Variants in SLC45A4 observed in about 807,000 individuals in gnomAD.
SLC45A4 encodes polyamine-transporter SLC45A4.
SLC45A4 carries 32 observed loss-of-function variants against 63.7 expected under a neutral mutation model. That is an observed-to-expected ratio of 0.50 (90% CI 0.38 to 0.67). SLC45A4 has a LOEUF of 0.67. Among genes scored for constraint, SLC45A4 ranks in the 30% least tolerant of loss-of-function variants. The probability of loss-of-function intolerance (pLI) is 0.00; values close to 1 mark genes in which losing one functional copy is unlikely to be tolerated. For synonymous variants in SLC45A4, 535 were observed against 510.0 expected (o/e 1.05, Z -0.66); for missense variants, 1,027 against 1,157.7 (o/e 0.89, Z 1.64).
intron 2 of SLC45A4, among the ~76,000 whole-genome samples, chr8:141,239,334 C>T (rs1043014674): frequency 2.0e-5 from 3 of 152,124 alleles, no homozygotes; most frequent in African/African-American, 4.8e-5. Flanking sequence ...TTACTGAACC[C>T]CTTTCAGAGT....
Position 141,218,871 on chromosome 8 carries a change from GCTC to G in SLC45A4, c.766_768del (p.Glu256del). 6.2e-7 allele frequency: 1 copy of G among 1,613,566 alleles called. No homozygotes were observed. The highest frequency in any genetic ancestry group is 8.5e-7 in the Non-Finnish European group (1 of 1,179,934). On this transcript the variant is annotated inframe_deletion, in exon 5 of 9. Coordinates refer to ENST00000517878, the MANE Select transcript of SLC45A4 (RefSeq NM_001286646.2). ...CTGCGCTCCTGCTGCGGGCTGTACT[GCTC>G]CTCGTCGATGCTGAACAGGTGCAGG...
intron 1 of SLC45A4, among the ~76,000 whole-genome samples, chr8:141,292,515 G>A (rs908535292): frequency 6.6e-6 from 1 of 152,216 alleles, no homozygotes; most frequent in Admixed American, 6.5e-5. Flanking sequence ...GGAAGGCTGC[G>A]GCCCGCTCCT....
At position 141,221,517 on chromosome 8, in the gene SLC45A4, T is replaced by C; in HGVS notation, c.430+60A>G. 3 of 1,543,544 alleles carry C rather than the reference T, an allele frequency of 1.9e-6. No homozygotes were observed. The Admixed American group carries it at 5.8e-5, about 30-fold the overall frequency. On this transcript the variant is annotated intron_variant, in intron 3 of 8. Transcript: ENST00000517878. ...CCATTCAGCTTTTAATGAGAGGAGC[T>C]ACCCAGGGCCAGGACCCCGTCTGTG...
At chr8:141,282,715 G>A (rs1012471062) in intron 1 of SLC45A4, among the ~76,000 whole-genome samples, 12 of 152,246 alleles carry the variant, frequency 7.9e-5, no homozygotes, top group Admixed American at 2.6e-4. Context: ...CATCTTTCCC[G>A]GGGCTGGCAC....
At chr8:141,230,360 G>C (rs1734141643) in intron 2 of SLC45A4, 2 of 344,396 alleles carry the variant, frequency 5.8e-6, no homozygotes, top group Non-Finnish European at 1.1e-5. Context: ...ACAGAAGGCA[G>C]AGAGGGAAGC....
At chr8:141,252,102 T>G (rs1377779033) in intron 2 of SLC45A4, among the ~76,000 whole-genome samples, 1 of 151,184 alleles carries the variant, frequency 6.6e-6, no homozygotes, top group Non-Finnish European at 1.5e-5. Flanking sequence ...CCATGCAATA[T>G]GTTGAATTCT....
chr8:141,249,795 G>C (rs116284194), intron 2 of SLC45A4, among the ~76,000 whole-genome samples: 2,038 of 152,314 alleles, frequency 0.013, 40 homozygotes, highest in African/African-American at 0.046. Flanking sequence ...CGTTGCCCTT[G>C]TAAGTGTCAT....
At chr8:141,242,742 A>G (rs1276611243) in intron 2 of SLC45A4, among the ~76,000 whole-genome samples, 3 of 152,104 alleles carry the variant, frequency 2.0e-5, no homozygotes, top group African/African-American at 7.2e-5. Context: ...GAGCCGGCAG[A>G]TACTGTCTTC....
chr8:141,299,554 G>A (rs1176006923), intron 1 of SLC45A4, among the ~76,000 whole-genome samples: 5 of 152,224 alleles, frequency 3.3e-5, no homozygotes, highest in Admixed American at 6.5e-5. Context: ...CCGCAGCCCC[G>A]GGATCCGGCT....
Position 141,219,765 on chromosome 8 carries a change from C to T in SLC45A4, c.495G>A (p.Val165=). The part of the protein sequence containing the change: ...PIGIVLTVLG[V]VVLDFSADAT... ...CATCGGCGCTGAAGTCCAGGACCAC[C>T]ACTCCCAGCACCGTGAGCACGATGC... Residue 165 remains valine (V), a synonymous_variant, in exon 4 of 9, where the codon GTG becomes GTA. Coordinates refer to ENST00000517878, the MANE Select transcript of SLC45A4 (RefSeq NM_001286646.2). The T allele has an allele frequency of 6.2e-7, 1 of 1,600,416 alleles. No homozygotes were observed. The highest frequency in any genetic ancestry group is 8.5e-7 in the Non-Finnish European group (1 of 1,174,074).
chr8:141,306,649 A>G (rs891240790), intron 1 of SLC45A4, among the ~76,000 whole-genome samples: 1 of 152,176 alleles, frequency 6.6e-6, no homozygotes, highest in East Asian at 1.9e-4. Flanking sequence ...TTGTTTTCTT[A>G]TTTTTTCCTA....
At chr8:141,272,027 A>G (rs1211010616) in intron 1 of SLC45A4, among the ~76,000 whole-genome samples, 2 of 152,140 alleles carry the variant, frequency 1.3e-5, no homozygotes, top group Non-Finnish European at 2.9e-5. Flanking sequence ...GCGTACACAC[A>G]TGCATTCACA....
chr8:141,279,083 G>A lies in SLC45A4; in HGVS notation c.-400-24454C>T, dbSNP rs921491761. On this transcript the variant is annotated intron_variant, in intron 1 of 8. Coordinates refer to ENST00000517878, the MANE Select transcript of SLC45A4 (RefSeq NM_001286646.2). Reference sequence around the variant, plus strand: ...ACCCCAAGACCCCCACCTCTGTGACGGCTCCCACATTCTGCGGGACCCACC... The same window carrying A: ...ACCCCAAGACCCCCACCTCTGTGACAGCTCCCACATTCTGCGGGACCCACC... 7.9e-5 allele frequency among the ~76,000 whole-genome samples: 12 copies of A among 152,320 alleles called. No homozygotes were observed. In the East Asian group the frequency reaches 1.7e-3, roughly 22 times the overall value.
intron 1 of SLC45A4, among the ~76,000 whole-genome samples, chr8:141,277,119 G>A (rs1277378400): frequency 1.3e-5 from 2 of 152,246 alleles, no homozygotes; most frequent in African/African-American, 4.8e-5. Flanking sequence ...GCCCTCTACA[G>A]ATGGGTGCGC....
chr8:141,305,719 G>C (rs1830876165), intron 1 of SLC45A4, among the ~76,000 whole-genome samples: 1 of 152,130 alleles, frequency 6.6e-6, no homozygotes, highest in South Asian at 2.1e-4. Flanking sequence ...GGGAAGAGCG[G>C]GAGAGGGCAC....
At chr8:141,219,317 G>A (rs1367815019) in intron 4 of SLC45A4, among the ~76,000 whole-genome samples, 1 of 152,248 alleles carries the variant, frequency 6.6e-6, no homozygotes, top group African/African-American at 2.4e-5. Context: ...CTCTGCATAC[G>A]GAGCTGGCCA....
In SLC45A4 at chr8:141,215,621, G is replaced by A; in HGVS notation, c.1941+138C>T. ...TGGTGGCTCTGTGGGCTTTGGAAGG[G>A]GCCATCTCAGAACCGGAGAGGAAGG... On this transcript the variant is annotated intron_variant, in intron 7 of 8. Transcript: ENST00000517878. The surrounding 1 kb of genome is among the most constrained non-coding windows in gnomAD (Gnocchi z 4.3). The A allele has an allele frequency of 2.4e-6, 2 of 842,566 alleles. No individual in the cohort carries two copies. The highest frequency in any genetic ancestry group is 3.2e-5 in the South Asian group (2 of 61,670). The allele number at this position is 842,566 out of a possible 1,614,324, so 52.2% of individuals were successfully genotyped here. A position where few individuals can be genotyped will look rare whatever the true frequency, so the allele number is the denominator to read the frequency against.
rs1358372199 is a variant in SLC45A4, at chr8:141,256,749, T to C, written c.-400-2120A>G. 1.5e-5 allele frequency: 6 copies of C among 395,796 alleles called. No individual in the cohort carries two copies. The highest frequency in any genetic ancestry group is 2.6e-5 in the Non-Finnish European group (5 of 191,606). 24.5% of individuals were successfully genotyped at this position (395,796 alleles called of 1,614,324 possible). ...GATTCCACACGACAGCCCTCGAGAA[T>C]TCTTTCAAGTTTTCCAAATGTCCTC... On this transcript the variant is annotated intron_variant, in intron 1 of 8. Transcript: ENST00000517878. The surrounding 1 kb of genome is among the most constrained non-coding windows in gnomAD (Gnocchi z 4.3).
At chr8:141,249,502 TC>T (rs1049682154) in intron 2 of SLC45A4, among the ~76,000 whole-genome samples, 1 of 152,056 alleles carries the variant, frequency 6.6e-6, no homozygotes, top group African/African-American at 2.4e-5. Flanking sequence ...TTACATCAAT[TC>T]CCGAACAGGC....
Sources: allele counts gnomAD v4.1 joint callset (sites outside exome capture counted in the v4.1 genomes callset), GRCh38; gene constraint gnomAD v4.1.1; non-coding constraint Gnocchi (gnomAD v3.1); transcripts MANE v1.5; gene names NCBI Gene and HGNC (gene_info 2026-07-23, HGNC 2026-07-21).